The following ZNF385D variants were observed in gnomAD, a reference collection of about 807,000 sequenced individuals.
ZNF385D encodes the protein zinc finger protein 385D.
In ZNF385D, 15 loss-of-function variants were observed where a neutral mutation model predicts 35.8. The observed-to-expected ratio is 0.42, with a 90% CI of 0.28 to 0.64. ZNF385D has a LOEUF of 0.64. Ranked by LOEUF, ZNF385D falls within the 30% of genes least tolerant of loss-of-function variation. The pLI is 0.23. For synonymous variants in ZNF385D, 212 were observed against 186.8 expected (o/e 1.13, Z -1.10); for missense variants, 474 against 494.6 (o/e 0.96, Z 0.39).
At chr3:21,864,046 C>T (rs1697199591) in intron 3 of ZNF385D, among the ~76,000 whole-genome samples, 1 of 152,048 alleles carries the variant, frequency 6.6e-6, no homozygotes, top group Admixed American at 6.6e-5. Flanking sequence ...GTAGTTTCCT[C>T]ACAATAAAGG....
At chr3:21,782,381 C>G (rs1430544633) in intron 3 of ZNF385D, among the ~76,000 whole-genome samples, 1 of 152,040 alleles carries the variant, frequency 6.6e-6, no homozygotes, top group African/African-American at 2.4e-5. Context: ...TTAAATATTT[C>G]TTTTATAAAT....
intron 3 of ZNF385D, among the ~76,000 whole-genome samples, chr3:21,810,723 A>G (rs932308878): frequency 6.6e-6 from 1 of 152,060 alleles, no homozygotes; most frequent in African/African-American, 2.4e-5. Flanking sequence ...CATTTTATGT[A>G]ATTATTAAAC....
intron 3 of ZNF385D, among the ~76,000 whole-genome samples, chr3:21,918,913 T>C (rs1453496501): frequency 6.6e-6 from 1 of 152,198 alleles, no homozygotes; most frequent in Non-Finnish European, 1.5e-5. Flanking sequence ...CAAGGTTATA[T>C]TTCAAATGCT....
In ZNF385D at chr3:21,436,957, C is replaced by A. The variant is rs749657204; in HGVS notation, c.673+13G>T. ...AGAGCTGTTGAAACAAAAAAGAAATCGCTGCATCTCACCACTGTTGTGCGC... is the reference window on the plus strand; with the variant it reads ...AGAGCTGTTGAAACAAAAAAGAAATAGCTGCATCTCACCACTGTTGTGCGC... On this transcript the variant is annotated intron_variant, in intron 5 of 7. Coordinates refer to ENST00000281523, the MANE Select transcript of ZNF385D (RefSeq NM_024697.3). 6.2e-7 allele frequency: 1 copy of A among 1,608,540 alleles called. No individual in the cohort carries two copies. Among genetic ancestry groups the A allele is most frequent in the African/African-American group, 1.3e-5 (1 of 74,668 alleles).
intron 2 of ZNF385D, among the ~76,000 whole-genome samples, chr3:22,340,079 A>C (rs1365805178): frequency 6.6e-6 from 1 of 152,244 alleles, no homozygotes; most frequent in Admixed American, 6.5e-5. Context: ...TCATTAAACA[A>C]ATTAAAATAC....
intron 3 of ZNF385D, among the ~76,000 whole-genome samples, chr3:21,892,989 T>G (rs1003480015): frequency 3.3e-5 from 5 of 152,158 alleles, no homozygotes; most frequent in Non-Finnish European, 7.3e-5. Context: ...TAAAGTGTGA[T>G]TTTTACAATA....
intron 2 of ZNF385D, among the ~76,000 whole-genome samples, chr3:22,176,315 C>G (rs1165621317): frequency 6.6e-6 from 1 of 152,134 alleles, no homozygotes; most frequent in Non-Finnish European, 1.5e-5. Context: ...AACTGTTTGT[C>G]ACATGTTATC....
chr3:22,016,323 T>A (rs1465169328), intron 3 of ZNF385D, among the ~76,000 whole-genome samples: 1 of 152,046 alleles, frequency 6.6e-6, no homozygotes, highest in Non-Finnish European at 1.5e-5. Context: ...CAGCAAAGAT[T>A]TACCTAGCTC....
chr3:21,995,871 TTC>T (rs1213409345), intron 3 of ZNF385D, among the ~76,000 whole-genome samples: 1 of 152,024 alleles, frequency 6.6e-6, no homozygotes, highest in African/African-American at 2.4e-5. Context: ...TACACTTTGG[TTC>T]TCTTTGTCCT....
At chr3:21,748,503 G>A (rs539732042) in intron 1 of ZNF385D, among the ~76,000 whole-genome samples, 24 of 152,204 alleles carry the variant, frequency 1.6e-4, no homozygotes, top group South Asian at 4.1e-4. Context: ...CAATTCACCC[G>A]TACCATAGCA....
intron 3 of ZNF385D, among the ~76,000 whole-genome samples, chr3:21,770,404 G>T (rs1003577044): frequency 6.6e-6 from 1 of 151,472 alleles, no homozygotes; most frequent in Non-Finnish European, 1.5e-5. Flanking sequence ...AAAAAACAAG[G>T]AACCCCATCA....
At chr3:21,964,433 G>GA (rs10558356) in intron 3 of ZNF385D, among the ~76,000 whole-genome samples, 35 of 94,450 alleles carry the variant, frequency 3.7e-4, no homozygotes, top group East Asian at 2.6e-3. Flanking sequence ...AAAAAAAAAA[G>GA]AAAAAAAAAA....
upstream of ZNF385D, among the ~76,000 whole-genome samples, chr3:21,753,259 C>T (rs1041546446): frequency 6.6e-6 from 1 of 152,164 alleles, no homozygotes; most frequent in Non-Finnish European, 1.5e-5. Context: ...AAACAGTTGT[C>T]TTACTATTTG....
At chr3:22,013,928 G>A (rs1696724042) in intron 3 of ZNF385D, among the ~76,000 whole-genome samples, 1 of 151,894 alleles carries the variant, frequency 6.6e-6, no homozygotes, top group Admixed American at 6.6e-5. Context: ...GCTGAGTTAA[G>A]ACCCTTCATC....
At chr3:21,551,842 A>AAAT (rs2062577520) in intron 3 of ZNF385D, among the ~76,000 whole-genome samples, 2 of 152,204 alleles carry the variant, frequency 1.3e-5, no homozygotes, top group Admixed American at 6.5e-5. Flanking sequence ...GCAGGGCCAA[A>AAAT]AATAAACTGT....
At chr3:22,121,849 T>A (rs903891974) in intron 3 of ZNF385D, among the ~76,000 whole-genome samples, 1 of 152,102 alleles carries the variant, frequency 6.6e-6, no homozygotes, top group Non-Finnish European at 1.5e-5. Context: ...TCCCTCACTT[T>A]CTCACTGTAT....
intron 2 of ZNF385D, among the ~76,000 whole-genome samples, chr3:22,344,392 T>C (rs964498820): frequency 6.6e-5 from 10 of 151,998 alleles, no homozygotes; most frequent in African/African-American, 2.4e-4. Context: ...ATTGTTGCTG[T>C]TGTTTTAGTT....
chr3:21,857,572 G>A (rs545647010), intron 3 of ZNF385D, among the ~76,000 whole-genome samples: 3 of 151,872 alleles, frequency 2.0e-5, no homozygotes, highest in Non-Finnish European at 4.4e-5. Context: ...GGAAGTCGTG[G>A]GACTAAAGAA....
intron 1 of ZNF385D, among the ~76,000 whole-genome samples, chr3:21,702,219 G>A (rs567277051): frequency 7.2e-5 from 11 of 152,258 alleles, no homozygotes; most frequent in South Asian, 4.1e-4. Context: ...AAATCTAGCC[G>A]GATTCCCAAA....
Sources: allele counts gnomAD v4.1 joint callset (sites outside exome capture counted in the v4.1 genomes callset), GRCh38; gene constraint gnomAD v4.1.1; transcripts MANE v1.5; gene names NCBI Gene and HGNC (gene_info 2026-07-23, HGNC 2026-07-21).